The following ZFAT variants were observed in gnomAD, a reference collection of about 807,000 sequenced individuals.
The protein encoded by ZFAT is zinc finger protein ZFAT.
ZFAT carries 64 observed loss-of-function variants against 117.7 expected under a neutral mutation model. The ratio of observed to expected loss-of-function variants is 0.54; its 90% CI spans 0.44 to 0.67. The LOEUF is 0.67. ZFAT is among the 30% of genes least tolerant of loss of function. The pLI, the probability that ZFAT is intolerant of heterozygous loss-of-function variation, is 0.00. For missense variants in ZFAT, 1,433 were observed against 1,584.5 expected (o/e 0.90, Z 1.62); for synonymous variants, 679 against 615.0 (o/e 1.10, Z -1.54).
intron 12 of ZFAT, among the ~76,000 whole-genome samples, chr8:134,524,671 TG>T (rs1315923620): frequency 6.6e-6 from 1 of 152,158 alleles, no homozygotes; most frequent in Non-Finnish European, 1.5e-5. Flanking sequence ...AAACAAACAC[TG>T]GCCTGGCCCC....
At chr8:134,504,456 C>T (rs1225934597) in intron 15 of ZFAT, among the ~76,000 whole-genome samples, 1 of 152,162 alleles carries the variant, frequency 6.6e-6, no homozygotes, top group African/African-American at 2.4e-5. Flanking sequence ...GAAGAAAGGG[C>T]ACGGTGCAGT....
the ZFAT span, among the ~76,000 whole-genome samples, chr8:134,831,067 T>C: frequency 6.6e-6 from 1 of 152,190 alleles, no homozygotes; most frequent in African/African-American, 2.4e-5. Flanking sequence ...ACCCTGGCAG[T>C]TACAACTAAA....
At chr8:134,738,181 G>A in the ZFAT span, among the ~76,000 whole-genome samples, 1 of 152,088 alleles carries the variant, frequency 6.6e-6, no homozygotes. Flanking sequence ...ATCATTTTGT[G>A]TGCATCAACA....
chr8:134,673,140 C>T lies in ZFAT; in HGVS notation c.20-15403G>A, dbSNP rs1832638639. The T allele has an allele frequency of 2.0e-5, 3 of 151,402 alleles. No homozygotes were observed. The South Asian group carries it at 6.2e-4, about 31-fold the overall frequency. The allele number at this position is 151,402 out of a possible 1,614,324, so 9.4% of individuals were successfully genotyped here. ...TCTGCTCTGAGATGTTGATAACCTT[C>T]ATAACTTGACTCTCAACCCTTGTAC... On this transcript the variant is annotated intron_variant, in intron 1 of 15. Coordinates refer to ENST00000377838, the MANE Select transcript of ZFAT (RefSeq NM_020863.4).
the ZFAT span, among the ~76,000 whole-genome samples, chr8:134,782,117 T>A: frequency 6.6e-6 from 1 of 152,230 alleles, no homozygotes; most frequent in Non-Finnish European, 1.5e-5. Flanking sequence ...GGGGTGGATT[T>A]AATGTCTTGC....
chr8:134,563,381 A>G (rs16905180), intron 11 of ZFAT, among the ~76,000 whole-genome samples: 6,349 of 152,280 alleles, frequency 0.042, 466 homozygotes, highest in African/African-American at 0.14. Context: ...GATGAAGTCC[A>G]TGTTTTAGCT....
the ZFAT span, among the ~76,000 whole-genome samples, chr8:134,809,751 T>C: frequency 5.9e-5 from 9 of 152,160 alleles, no homozygotes; most frequent in Non-Finnish European, 1.0e-4. Context: ...GGAGGTGAAG[T>C]GGGACAGTGC....
At chr8:134,739,255 C>G in the ZFAT span, among the ~76,000 whole-genome samples, 931 of 151,890 alleles carry the variant, frequency 6.1e-3, 57 homozygotes, top group East Asian at 0.13. Context: ...CAGCAAGTAT[C>G]TACAGAGAAG....
chr8:134,628,599 G>T (rs1330005375), intron 3 of ZFAT, among the ~76,000 whole-genome samples: 1 of 152,172 alleles, frequency 6.6e-6, no homozygotes, highest in Non-Finnish European at 1.5e-5. Context: ...GAATAAAAAA[G>T]AATTCTTCTT....
chr8:134,721,894 C>T, the ZFAT span, among the ~76,000 whole-genome samples: 1 of 152,248 alleles, frequency 6.6e-6, no homozygotes, highest in Non-Finnish European at 1.5e-5. Context: ...TGGTAAGAAA[C>T]TGACAATTTG....
At chr8:134,817,397 A>T in the ZFAT span, among the ~76,000 whole-genome samples, 1 of 39,012 alleles carries the variant, frequency 2.6e-5, no homozygotes, top group African/African-American at 9.6e-5. Context: ...CTCTCTCTAC[A>T]CACACACACA....
At chr8:134,501,071 A>G (rs184101901) in intron 15 of ZFAT, among the ~76,000 whole-genome samples, 1 of 152,380 alleles carries the variant, frequency 6.6e-6, no homozygotes, top group African/African-American at 2.4e-5. Flanking sequence ...ATATAGGGAA[A>G]AAAACAAAGT....
chr8:134,583,732 C>T lies in ZFAT; in HGVS notation c.2887+100G>A. 4.9e-6 allele frequency: 7 copies of T among 1,429,336 alleles called. 1 individual carries two copies. In the South Asian group the frequency reaches 7.0e-5, roughly 14 times the overall value. 88.5% of individuals were successfully genotyped at this position (1,429,336 alleles called of 1,614,324 possible). A position where few individuals can be genotyped will look rare whatever the true frequency, so the allele number is the denominator to read the frequency against. On this transcript the variant is annotated intron_variant, in intron 10 of 15. Transcript: ENST00000377838. ...AGAAGCTCCTTCTAACGGGCAAGTG[C>T]TCTTTCCTGCCTCTGGTACAGCAAG...
intron 10 of ZFAT, among the ~76,000 whole-genome samples, chr8:134,571,291 T>C (rs749067792): frequency 2.9e-4 from 44 of 152,098 alleles, no homozygotes; most frequent in Non-Finnish European, 2.9e-4. Flanking sequence ...AAGGCCTCTG[T>C]GAGGAAGTGA....
chr8:134,808,372 A>C, the ZFAT span, among the ~76,000 whole-genome samples: 2 of 152,228 alleles, frequency 1.3e-5, no homozygotes, highest in African/African-American at 4.8e-5. Flanking sequence ...GTGGATTAGG[A>C]GCACAGCACT....
In ZFAT at chr8:134,539,518, G is replaced by C. The variant is rs576581737; in HGVS notation, c.2977-6546C>G. ...AGAAAGTGCCAGATGACACTAGTGT[G>C]TGAAATCTGGGGTCATACATCACTA... On this transcript the variant is annotated intron_variant, in intron 11 of 15. Coordinates refer to ENST00000377838, the MANE Select transcript of ZFAT (RefSeq NM_020863.4). Among the ~76,000 whole-genome samples the C allele has an allele frequency of 2.0e-5, 3 of 152,334 alleles. No homozygotes were observed. In the South Asian group the frequency reaches 6.2e-4, roughly 32 times the overall value.
intron 8 of ZFAT, among the ~76,000 whole-genome samples, chr8:134,588,731 AAACAG>A (rs1478371362): frequency 1.3e-5 from 2 of 152,228 alleles, no homozygotes; most frequent in African/African-American, 4.8e-5. Flanking sequence ...AGAAAACAAG[AAACAG>A]AAACATAATG....
At chr8:134,530,066 G>A (rs1821301405) in intron 12 of ZFAT, among the ~76,000 whole-genome samples, 1 of 152,128 alleles carries the variant, frequency 6.6e-6, no homozygotes, top group South Asian at 2.1e-4. Context: ...CAGGCAGGAG[G>A]GTCTTTCCTA....
At chr8:134,772,459 T>A in the ZFAT span, among the ~76,000 whole-genome samples, 1 of 152,144 alleles carries the variant, frequency 6.6e-6, no homozygotes, top group Non-Finnish European at 1.5e-5. Context: ...TAAGCCAAAG[T>A]CTAATCCAGA....
Sources: allele counts gnomAD v4.1 joint callset (sites outside exome capture counted in the v4.1 genomes callset), GRCh38; gene constraint gnomAD v4.1.1; transcripts MANE v1.5; gene names NCBI Gene and HGNC (gene_info 2026-07-23, HGNC 2026-07-21).